SUGCT: variants seen among roughly 807,000 people sequenced by gnomAD.
SUGCT encodes the protein succinyl-CoA:glutarate-CoA transferase, also known as succinyl-CoA:glutarate CoA-transferase.
In SUGCT, 41 loss-of-function variants were observed where a neutral mutation model predicts 55.0. The observed-to-expected ratio is 0.74, with a 90% CI of 0.58 to 0.97. The LOEUF is 0.97. Among genes scored for constraint, SUGCT ranks in the 50% least tolerant of loss-of-function variants. The pLI is 0.00. For synonymous variants in SUGCT, 187 were observed against 200.4 expected (o/e 0.93, Z 0.56); for missense variants, 568 against 547.8 (o/e 1.04, Z -0.37).
intron 1 of SUGCT, among the ~76,000 whole-genome samples, chr7:40,160,502 T>C (rs1784092870): frequency 6.6e-6 from 1 of 152,230 alleles, no homozygotes; most frequent in African/African-American, 2.4e-5. Context: ...GTGCTGGGAT[T>C]ACAGGCGTGA....
At chr7:40,599,630 T>C (rs1162083027) in intron 12 of SUGCT, among the ~76,000 whole-genome samples, 3 of 152,188 alleles carry the variant, frequency 2.0e-5, no homozygotes, top group African/African-American at 7.2e-5. Flanking sequence ...AGAAACAAAC[T>C]TAAAACCCAA....
chr7:40,850,509 T>G (rs777034181), intron 13 of SUGCT, among the ~76,000 whole-genome samples: 2 of 152,180 alleles, frequency 1.3e-5, no homozygotes, highest in East Asian at 3.9e-4. Context: ...TAAAATGAAT[T>G]TCTGGTACAC....
chr7:41,005,478 T>C, the SUGCT span, among the ~76,000 whole-genome samples: 2 of 151,610 alleles, frequency 1.3e-5, no homozygotes, highest in Admixed American at 1.3e-4. Flanking sequence ...ACTGAGGAGG[T>C]CCAGGGTGTG....
intron 9 of SUGCT, among the ~76,000 whole-genome samples, chr7:40,320,767 G>GA (rs36035003): frequency 1.3e-5 from 2 of 151,846 alleles, no homozygotes; most frequent in South Asian, 4.1e-4. Context: ...AATATAGTGG[G>GA]AAAAAAATGG....
chr7:40,509,697 T>C (rs960149024), intron 12 of SUGCT, among the ~76,000 whole-genome samples: 1 of 152,148 alleles, frequency 6.6e-6, no homozygotes, highest in African/African-American at 2.4e-5. Context: ...ACTTCTTTGT[T>C]TGTTGTGTGT....
intron 8 of SUGCT, among the ~76,000 whole-genome samples, chr7:40,313,376 A>T (rs528077386): frequency 6.6e-6 from 1 of 152,316 alleles, no homozygotes; most frequent in South Asian, 2.1e-4. Flanking sequence ...AAAATTTGTC[A>T]TTAATTGCCC....
chr7:40,644,052 A>G (rs112749324), intron 12 of SUGCT, among the ~76,000 whole-genome samples: 4,078 of 152,220 alleles, frequency 0.027, 160 homozygotes, highest in African/African-American at 0.095. Flanking sequence ...GACCTCAGAT[A>G]CTAGCCACAT....
chr7:40,606,961 AT>A (rs1312512189), intron 12 of SUGCT, among the ~76,000 whole-genome samples: 3 of 152,196 alleles, frequency 2.0e-5, no homozygotes, highest in African/African-American at 4.8e-5. Flanking sequence ...CATATGCATA[AT>A]TTGATCAGAA....
chr7:40,449,216 T>G, intron 9 of SUGCT, 71 bp from the exon 10 acceptor site: 1 of 974,098 alleles, frequency 1.0e-6, no homozygotes, highest in Admixed American at 2.2e-5. Flanking sequence ...TATATAGATA[T>G]TTTAGAAATT....
At chr7:40,901,438 A>T in the SUGCT span, among the ~76,000 whole-genome samples, 1 of 152,184 alleles carries the variant, frequency 6.6e-6, no homozygotes, top group African/African-American at 2.4e-5. Flanking sequence ...CTTTAATCTT[A>T]TGAGTCTTCA....
rs556708239 is a variant in SUGCT at position 40,617,099 on chromosome 7, GA to G, written c.1089+120723del. Among the ~76,000 whole-genome samples the G allele has an allele frequency of 1.9e-3, 276 of 147,904 alleles. 1 individual carries two copies. Among genetic ancestry groups the G allele is most frequent in the Non-Finnish European group, 3.5e-3 (232 of 66,954 alleles). On this transcript the variant is annotated intron_variant, in intron 12 of 13. Coordinates refer to ENST00000335693, the MANE Select transcript of SUGCT (RefSeq NM_001193313.2). ...ATCTTTTTCTTCTTGTTTAATATTTGAAAAAAAAAATCCAAAGACATTTGCC... is the reference window on the plus strand; with the variant it reads ...ATCTTTTTCTTCTTGTTTAATATTTGAAAAAAAAATCCAAAGACATTTGCC...
chr7:40,189,298 C>T (rs1202961456), intron 4 of SUGCT, among the ~76,000 whole-genome samples: 4 of 151,534 alleles, frequency 2.6e-5, no homozygotes, highest in Admixed American at 6.6e-5. Flanking sequence ...GCCAAGATTG[C>T]ACCACTGCAC....
intron 12 of SUGCT, among the ~76,000 whole-genome samples, chr7:40,517,752 T>C (rs746658750): frequency 3.3e-5 from 5 of 152,146 alleles, no homozygotes; most frequent in African/African-American, 7.2e-5. Flanking sequence ...TTTTTAATAA[T>C]GATTTTCACC....
At chr7:40,302,056 T>C (rs1307907228) in intron 8 of SUGCT, among the ~76,000 whole-genome samples, 1 of 152,220 alleles carries the variant, frequency 6.6e-6, no homozygotes, top group Non-Finnish European at 1.5e-5. Context: ...TCCACTGTTG[T>C]TCTATTTCTT....
chr7:40,697,145 A>T (rs1784969285), intron 12 of SUGCT, among the ~76,000 whole-genome samples: 1 of 152,152 alleles, frequency 6.6e-6, no homozygotes. Flanking sequence ...CTTATTCAAA[A>T]TCTTACTTGA....
At chr7:40,809,429 C>T (rs1221080005) in intron 13 of SUGCT, among the ~76,000 whole-genome samples, 2 of 151,856 alleles carry the variant, frequency 1.3e-5, no homozygotes, top group Admixed American at 6.6e-5. Flanking sequence ...TGTGTGTGTG[C>T]TCTCTCTTTC....
At chr7:40,317,252 A>G (rs879540276) in intron 9 of SUGCT, among the ~76,000 whole-genome samples, 13 of 152,060 alleles carry the variant, frequency 8.5e-5, no homozygotes, top group Non-Finnish European at 1.8e-4. Flanking sequence ...ATATTCTCAC[A>G]GGATTGAAGT....
intron 1 of SUGCT, among the ~76,000 whole-genome samples, chr7:40,152,248 A>G (rs1207783890): frequency 6.6e-6 from 1 of 152,184 alleles, no homozygotes. Context: ...TTGGGAAAGG[A>G]CTTTTATTGG....
intron 8 of SUGCT, among the ~76,000 whole-genome samples, chr7:40,309,500 G>A (rs997193897): frequency 6.6e-6 from 1 of 152,058 alleles, no homozygotes; most frequent in African/African-American, 2.4e-5. Context: ...TCATCATGTT[G>A]GTCAGGCTGG....
Sources: gnomAD v4.1 joint callset for allele counts (sites outside exome capture counted in the v4.1 genomes callset) on GRCh38, gnomAD v4.1.1 for gene constraint, MANE v1.5 for transcripts, NCBI Gene and HGNC (gene_info 2026-07-23, HGNC 2026-07-21) for gene names.